IL12RB1: variants seen among roughly 807,000 people sequenced by gnomAD.
The protein encoded by IL12RB1 is interleukin 12 receptor subunit beta 1.
A neutral mutation model predicts 94.4 loss-of-function variants in IL12RB1; 64 were observed. That is an observed-to-expected ratio of 0.68 (90% CI 0.55 to 0.83). The LOEUF (loss-of-function observed/expected upper bound fraction) is 0.83. Ranked by LOEUF, IL12RB1 falls within the 40% of genes least tolerant of loss-of-function variation. The pLI, the probability that IL12RB1 is intolerant of heterozygous loss-of-function variation, is 0.00. For synonymous variants in IL12RB1, 362 were observed against 355.5 expected, an observed-to-expected ratio of 1.02 and a Z score of -0.21; for missense variants, 814 against 855.6, an observed-to-expected ratio of 0.95 and a Z score of 0.61.
chr19:18,096,872 C>T (rs1482995288), intron 1 of IL12RB1, among the ~76,000 whole-genome samples: 1 of 149,290 alleles, frequency 6.7e-6, no homozygotes, highest in Admixed American at 6.7e-5. Context: ...TGGCCATATG[C>T]GGTGGCTGAC....
At chr19:18,073,372 T>G in intron 8 of IL12RB1, 145 bp downstream of exon 8, 1 of 685,384 alleles carries the variant, frequency 1.5e-6, no homozygotes, top group East Asian at 2.7e-5. Flanking sequence ...CCTATTACCT[T>G]CAGAGTTAAA....
At position 18,072,213 on chromosome 19, in the gene IL12RB1, G is replaced by A. The variant is rs761057139; in HGVS notation, c.920C>T (p.Pro307Leu). 5 of 1,613,948 alleles carry A rather than the reference G, an allele frequency of 3.1e-6. No homozygotes were observed. The highest frequency in any genetic ancestry group is 4.2e-6 in the Non-Finnish European group (5 of 1,179,962). Reference sequence around the variant, plus strand: ...GTTGTAGGCAGCACCCGAGAGATAGGGCATCTTCCCCAGGTGCAGGGTCCT... The same window carrying A: ...GTTGTAGGCAGCACCCGAGAGATAGAGCATCTTCCCCAGGTGCAGGGTCCT... The part of the protein sequence containing the change: ...ATRTLHLGKM[P>L]YLSGAAYNVA... Residue 307 changes from proline (P) to leucine (L), a missense_variant, in exon 9 of 17, where the codon CCC (proline) becomes CTC (leucine). By Grantham distance (98) the Pro-to-Leu change is moderately conservative. Transcript: ENST00000593993.
chr19:18,072,392 C>T (rs375708902), intron 8 of IL12RB1, 43 bp from the exon 9 acceptor site: 21 of 1,268,450 alleles, frequency 1.7e-5, no homozygotes, highest in Non-Finnish European at 2.3e-5. Context: ...CCTGATCACA[C>T]TCATCATCCC....
At chr19:18,067,411 C>G (rs2034672931) in intron 11 of IL12RB1, among the ~76,000 whole-genome samples, 1 of 149,346 alleles carries the variant, frequency 6.7e-6, no homozygotes, top group Admixed American at 6.7e-5. Context: ...ACGGAGGTAA[C>G]ATTGGCCACA....
chr19:18,070,642 T>A, intron 9 of IL12RB1: 1 of 504,870 alleles, frequency 2.0e-6, no homozygotes, highest in Non-Finnish European at 2.6e-6. Flanking sequence ...ACCATTTCAC[T>A]ATGATATGGG....
At chr19:18,070,876 T>A (rs1214174137) in intron 9 of IL12RB1, 1 of 153,924 alleles carries the variant, frequency 6.5e-6, no homozygotes, top group African/African-American at 2.4e-5. Context: ...GTCTGGGAGT[T>A]CAAGGCTGCA....
intron 1 of IL12RB1, among the ~76,000 whole-genome samples, chr19:18,093,410 A>G (rs1385820642): frequency 6.6e-6 from 1 of 151,500 alleles, no homozygotes; most frequent in African/African-American, 2.4e-5. Context: ...GCATTCATTC[A>G]TTCAGTCAGT....
At position 18,082,135 on chromosome 19, in the gene IL12RB1, T is replaced by C. The variant is rs958693909; in HGVS notation, c.239+15A>G. The C allele has an allele frequency of 4.6e-6, 7 of 1,506,688 alleles. No individual in the cohort carries two copies. The highest frequency in any genetic ancestry group is 6.5e-6 in the Non-Finnish European group (7 of 1,082,658). The allele number at this position is 1,506,688 out of a possible 1,614,324, so 93.3% of individuals were successfully genotyped here. On this transcript the variant is annotated intron_variant, in intron 3 of 16. Transcript: ENST00000593993. The stretch of plus-strand genomic sequence containing the variant: ...ATGGTGGGTGAGGGTTTGGGAATGG[T>C]AGAGGGGTCCTCACCAACACCGCAG...
chr19:18,093,344 A>ATATATATATATATATATATG (rs1224767884), intron 1 of IL12RB1, among the ~76,000 whole-genome samples: 1 of 142,602 alleles, frequency 7.0e-6, no homozygotes, highest in African/African-American at 2.7e-5. Flanking sequence ...ATATATATAT[A>ATATATATATATATATATATG]TATACTTGTG....
intron 11 of IL12RB1, among the ~76,000 whole-genome samples, chr19:18,067,865 T>C (rs1238810788): frequency 2.0e-5 from 3 of 152,014 alleles, no homozygotes; most frequent in African/African-American, 7.2e-5. Flanking sequence ...GCTGGCAAAC[T>C]TTTTTCTTTC....
chr19:18,081,961 G>A lies in IL12RB1; in HGVS notation c.239+189C>T, dbSNP rs373164267. ...AGACCCTCATGGCCACCCACCCTGGGATGCCTACCTTCACTGACCAACCCC... is the reference window on the plus strand; with the variant it reads ...AGACCCTCATGGCCACCCACCCTGGAATGCCTACCTTCACTGACCAACCCC... On this transcript the variant is annotated intron_variant, in intron 3 of 16. Coordinates refer to ENST00000593993, the MANE Select transcript of IL12RB1 (RefSeq NM_005535.3). 1.2e-4 allele frequency among the ~76,000 whole-genome samples: 19 copies of A among 152,250 alleles called. No homozygotes were observed. The South Asian group carries it at 3.9e-3, about 32-fold the overall frequency.
At position 18,070,337 on chromosome 19, in the gene IL12RB1, C is replaced by T. The variant is rs138294351; in HGVS notation, c.1022-624G>A. On this transcript the variant is annotated intron_variant, in intron 9 of 16. Transcript: ENST00000593993. ...TTACACCCACTTCCAGCCTTGTAGG[C>T]GTCTCCGGCTGTGGCAGATACCTGG... Among the ~76,000 whole-genome samples, 81 of 152,354 alleles carry T rather than the reference C, an allele frequency of 5.3e-4. No homozygotes were observed. In the East Asian group the frequency reaches 0.014, roughly 26 times the overall value.
At chr19:18,088,565 T>TAAAA (rs778266743), upstream of IL12RB1, among the ~76,000 whole-genome samples, 18 of 129,640 alleles carry the variant, frequency 1.4e-4, no homozygotes, top group African/African-American at 5.2e-4. Flanking sequence ...TCCTGTCTCT[T>TAAAA]AAAAAAAAAA....
In IL12RB1 at chr19:18,059,443, A is replaced by G; in HGVS notation, c.*165T>C. On this transcript the variant is annotated 3_prime_UTR_variant, in exon 17 of 17. Coordinates refer to ENST00000593993, the MANE Select transcript of IL12RB1 (RefSeq NM_005535.3). ...GGTGCAGCAGCTTCCATTTCATGGC[A>G]GCATCTAGGGTTCCCCCGCAGGATG... 1.5e-6 allele frequency: 1 copy of G among 646,430 alleles called. No individual in the cohort carries two copies. Among genetic ancestry groups the G allele is most frequent in the Non-Finnish European group, 2.8e-6 (1 of 354,796 alleles). The allele number at this position is 646,430 out of a possible 1,614,324, so 40.0% of individuals were successfully genotyped here.
rs774926554 is a variant in IL12RB1 at position 18,066,585 on chromosome 19, C to A, written c.1440G>T (p.Glu480Asp). The A allele has an allele frequency of 5.0e-6, 8 of 1,613,558 alleles. No homozygotes were observed. The highest frequency in any genetic ancestry group is 8.5e-7 in the Non-Finnish European group (1 of 1,179,754). Residue 480 changes from glutamate (E) to aspartate (D), a missense_variant, in exon 12 of 17, where the codon GAG (glutamate) becomes GAT (aspartate). Physicochemically the swap from Glu to Asp is conservative, Grantham distance 45. Coordinates refer to ENST00000593993, the MANE Select transcript of IL12RB1 (RefSeq NM_005535.3). ...CTTCATCTCGGCAGCGGACAACATA[C>A]TCCTTTAGGACGCCGGGACAGGTGC... The part of the protein sequence containing the change: ...LLSTCPGVLK[E>D]YVVRCRDEDS...
At chr19:18,065,764 A>C (rs1449104942) in intron 12 of IL12RB1, among the ~76,000 whole-genome samples, 1 of 152,088 alleles carries the variant, frequency 6.6e-6, no homozygotes, top group African/African-American at 2.4e-5. Flanking sequence ...GGTTGCAGTG[A>C]GCTGAGATGG....
At chr19:18,084,528 A>T (rs1292776981) in intron 1 of IL12RB1, among the ~76,000 whole-genome samples, 1 of 151,574 alleles carries the variant, frequency 6.6e-6, no homozygotes, top group African/African-American at 2.4e-5. Context: ...GCATTCATTA[A>T]TCCATTATCC....
chr19:18,094,592 A>G (rs1264322652), intron 1 of IL12RB1, among the ~76,000 whole-genome samples: 4 of 152,212 alleles, frequency 2.6e-5, no homozygotes, highest in Admixed American at 1.3e-4. Flanking sequence ...TGCTGGGCGC[A>G]GTGGCTCATG....
chr19:18,095,316 T>G (rs2036839537), intron 1 of IL12RB1, among the ~76,000 whole-genome samples: 1 of 152,164 alleles, frequency 6.6e-6, no homozygotes, highest in Non-Finnish European at 1.5e-5. Flanking sequence ...AAAATGTACA[T>G]GTACATATAT....
Sources: allele counts gnomAD v4.1 joint callset (sites outside exome capture counted in the v4.1 genomes callset), GRCh38; gene constraint gnomAD v4.1.1; transcripts MANE v1.5; gene names NCBI Gene and HGNC (gene_info 2026-07-23, HGNC 2026-07-21).